The following RABEP2 variants were observed in gnomAD, a reference collection of about 807,000 sequenced individuals.
RABEP2 encodes the protein rabaptin, RAB GTPase binding effector protein 2.
A neutral mutation model predicts 74.1 loss-of-function variants in RABEP2; 57 were observed. The ratio of observed to expected loss-of-function variants is 0.77; its 90% CI spans 0.62 to 0.96. RABEP2 has a LOEUF of 0.96. Ranked by LOEUF, RABEP2 falls within the 40% of genes least tolerant of loss-of-function variation. RABEP2 has a pLI of 0.00. For synonymous variants in RABEP2, 351 were observed against 344.0 expected, an observed-to-expected ratio of 1.02 and a Z score of -0.23; for missense variants, 692 against 756.3, an observed-to-expected ratio of 0.91 and a Z score of 1.00.
intron 2 of RABEP2, 33 bp from the exon 3 acceptor site, chr16:28,919,976 A>G: frequency 6.5e-7 from 1 of 1,539,964 alleles, no homozygotes. Flanking sequence ...GGAGAGAGGG[A>G]GGGTCAATGA....
At chr16:28,918,103 C>A (rs570049168) in intron 3 of RABEP2, among the ~76,000 whole-genome samples, 1 of 119,324 alleles carries the variant, frequency 8.4e-6, no homozygotes. Flanking sequence ...GACGGAGTCT[C>A]GCTCTGTCGC....
At position 28,908,615 on chromosome 16, in the gene RABEP2, A is replaced by C. The variant is rs374087599; in HGVS notation, c.1239T>G (p.Ser413=). Residue 413 remains serine, a synonymous_variant, in exon 8 of 13, where the codon TCT becomes TCG. Transcript: ENST00000358201. Reference sequence around the variant, plus strand: ...GTGCCCACACTCAGCTTACTGGCACAGAGCTGGGCAGTGATTCCTCCTCGC... The same window carrying C: ...GTGCCCACACTCAGCTTACTGGCACCGAGCTGGGCAGTGATTCCTCCTCGC... ...EQGEEESLPS[S]VPELQQLLCC... is the part of the protein sequence containing the mutation. The C allele has an allele frequency of 2.5e-4, 405 of 1,610,124 alleles. 1 individual carries two copies. The highest frequency in any genetic ancestry group is 3.3e-4 in the Non-Finnish European group (384 of 1,178,284).
At chr16:28,919,978 G>A (rs569862719) in intron 2 of RABEP2, 35 bp from the exon 3 acceptor site, 36 of 1,542,422 alleles carry the variant, frequency 2.3e-5, no homozygotes, top group Non-Finnish European at 3.0e-5. Flanking sequence ...AGAGAGGGAG[G>A]GTCAATGAGC....
chr16:28,924,885 C>A, intron 1 of RABEP2: 1 of 763,994 alleles, frequency 1.3e-6, no homozygotes, highest in South Asian at 1.5e-5. Context: ...GCGCCCCTTC[C>A]TCACCGGGCC....
intron 3 of RABEP2, among the ~76,000 whole-genome samples, chr16:28,918,581 C>T (rs1468472887): frequency 6.6e-6 from 1 of 151,802 alleles, no homozygotes; most frequent in East Asian, 2.0e-4. Flanking sequence ...CGCCACTGTA[C>T]TCCAGCCTGG....
chr16:28,913,744 TG>T (rs1331925481), intron 5 of RABEP2, among the ~76,000 whole-genome samples: 1 of 151,102 alleles, frequency 6.6e-6, no homozygotes, highest in Non-Finnish European at 1.5e-5. Context: ...CCCAAAGTGC[TG>T]GGATTACAGG....
At chr16:28,909,222 G>A (rs1964278133) in intron 7 of RABEP2, among the ~76,000 whole-genome samples, 2 of 151,826 alleles carry the variant, frequency 1.3e-5, no homozygotes, top group South Asian at 2.1e-4. Flanking sequence ...AATTACAGGC[G>A]CCCACCATCA....
intron 2 of RABEP2, among the ~76,000 whole-genome samples, chr16:28,920,686 CT>C (rs113025754): frequency 2.7e-5 from 4 of 150,890 alleles, no homozygotes; most frequent in East Asian, 2.0e-4. Context: ...GCTCCCAGCC[CT>C]TTTTTTTTGT....
In RABEP2 at chr16:28,925,106, C is replaced by A. The variant is rs115529621; in HGVS notation, c.58G>T (p.Ala20Ser). ...DDDERRRRPG[A>S]ALEDSRSQEG... ...GCACGGACGCCCCCTCACGTACCAG[C>A]CCCCGGCCGCCGCCGCCGCTCATCG... The change falls in exon 1 of 13, where the codon GCT (alanine) becomes TCT (serine). Residue 20 changes from alanine to serine, a missense_variant. By Grantham distance (99) the Ala-to-Ser change is moderately conservative. Transcript: ENST00000358201. The A allele has an allele frequency of 0.011, 17,661 of 1,538,740 alleles. 1,706 individuals are homozygous for A. In the African/African-American group the frequency reaches 0.21, roughly 18 times the overall value.
rs950688730 is a variant in RABEP2 at position 28,904,793 on chromosome 16, A to C, written c.*150T>G. On this transcript the variant is annotated 3_prime_UTR_variant, in exon 13 of 13. Transcript: ENST00000358201. ...CAGCCACCCTGGGAGGAGGCGCTGG[A>C]GGGCGGGGCGGTGGTGGCCCCCGTC... 1.5e-6 allele frequency: 1 copy of C among 686,120 alleles called. No individual in the cohort carries two copies. The highest frequency in any genetic ancestry group is 2.9e-5 in the Admixed American group (1 of 33,974). 42.5% of individuals were successfully genotyped at this position (686,120 alleles called of 1,614,324 possible).
intron 2 of RABEP2, 148 bp downstream of exon 2, chr16:28,924,255 G>T: frequency 1.4e-6 from 1 of 710,808 alleles, no homozygotes; most frequent in Non-Finnish European, 2.3e-6. Flanking sequence ...TTTTAAAAGG[G>T]CGGCCCTTCC....
Position 28,924,526 on chromosome 16 carries a change from G to T in RABEP2, c.151C>A (p.Leu51Met). 6.2e-7 allele frequency: 1 copy of T among 1,614,020 alleles called. No individual in the cohort carries two copies. Residue 51 changes from leucine to methionine, a missense_variant, in exon 2 of 13, where the codon CTG becomes ATG. Coordinates refer to ENST00000358201, the MANE Select transcript of RABEP2 (RefSeq NM_024816.3). The stretch of plus-strand genomic sequence containing the variant: ...GCCTTCATGGTTTCCATTTCTGCCA[G>T]GGCGCCTGCCAGCTCAGCCCGAAGC... Reference protein sequence around the residue: ...SRLRAELAGALAEMETMKAVA... With the variant: ...SRLRAELAGAMAEMETMKAVA...
chr16:28,908,878 C>T, intron 7 of RABEP2, 114 bp from the exon 8 acceptor site: 1 of 1,112,890 alleles, frequency 9.0e-7, no homozygotes, highest in East Asian at 2.5e-5. Flanking sequence ...AGCCCATACC[C>T]TCTCTGTTCC....
chr16:28,906,003 G>A lies in RABEP2; in HGVS notation c.1423+16C>T. 6.2e-7 allele frequency: 1 copy of A among 1,608,532 alleles called. No homozygotes were observed. The highest frequency in any genetic ancestry group is 8.5e-7 in the Non-Finnish European group (1 of 1,178,062). On this transcript the variant is annotated intron_variant, in intron 9 of 12. Coordinates refer to ENST00000358201, the MANE Select transcript of RABEP2 (RefSeq NM_024816.3). ...GCCCTGGGCCCGGGGCTGGGGGCTT[G>A]TGCCCCTCCCCTCACCTGTCTCCTC...
intron 7 of RABEP2, among the ~76,000 whole-genome samples, chr16:28,909,779 C>T (rs543907581): frequency 4.0e-5 from 6 of 150,888 alleles, no homozygotes; most frequent in African/African-American, 1.2e-4. Flanking sequence ...AATCCCAGCA[C>T]TTTGGGAGGC....
intron 3 of RABEP2, among the ~76,000 whole-genome samples, chr16:28,915,106 G>A (rs1299768586): frequency 6.7e-6 from 1 of 149,050 alleles, no homozygotes; most frequent in African/African-American, 2.5e-5. Context: ...TATCACCCAG[G>A]CTGGAGTGCA....
At position 28,924,875 on chromosome 16, in the gene RABEP2, G is replaced by A. The variant is rs182638918; in HGVS notation, c.61+228C>T. The A allele has an allele frequency of 5.0e-5, 37 of 744,816 alleles. No individual in the cohort carries two copies. In the East Asian group the frequency reaches 9.4e-4, roughly 19 times the overall value. 46.1% of individuals were successfully genotyped at this position (744,816 alleles called of 1,614,324 possible). ...ACCTGGCCCCGCCCTCCTAGTGGCC[G>A]CGCCCCTTCCTCACCGGGCCCCACT... On this transcript the variant is annotated intron_variant, in intron 1 of 12. Transcript: ENST00000358201.
intron 8 of RABEP2, 33 bp from the exon 9 acceptor site, chr16:28,906,229 GGGGCAGGAGGGCAGGA>G (rs542275113): frequency 6.5e-7 from 1 of 1,532,308 alleles, no homozygotes; most frequent in South Asian, 1.2e-5. Context: ...CTGCTGGGCT[GGGGCAGGAGGGCAGGA>G]GGGCAGGGGC....
At chr16:28,907,139 C>CT (rs1054903265) in intron 8 of RABEP2, among the ~76,000 whole-genome samples, 3 of 140,824 alleles carry the variant, frequency 2.1e-5, no homozygotes, top group South Asian at 2.3e-4. Flanking sequence ...CCCCATGGAT[C>CT]TTTTTTTTTG....
Sources: allele counts gnomAD v4.1 joint callset (sites outside exome capture counted in the v4.1 genomes callset), GRCh38; gene constraint gnomAD v4.1.1; transcripts MANE v1.5; gene names NCBI Gene and HGNC (gene_info 2026-07-23, HGNC 2026-07-21).